Variants in CNTN4 observed in about 807,000 individuals in gnomAD.
CNTN4 encodes contactin-4.
CNTN4 carries 77 observed loss-of-function variants against 122.5 expected under a neutral mutation model. That is an observed-to-expected ratio of 0.63 (90% CI 0.52 to 0.76). The LOEUF is 0.76. Ranked by LOEUF, CNTN4 falls within the 30% of genes least tolerant of loss-of-function variation. CNTN4 has a pLI of 0.00. For missense variants in CNTN4, 1,256 were observed against 1,259.1 expected, an observed-to-expected ratio of 1.00 and a Z score of 0.04; for synonymous variants, 512 against 447.0, an observed-to-expected ratio of 1.15 and a Z score of -1.83.
At chr3:2,650,004 A>T (rs1000544154) in intron 4 of CNTN4, among the ~76,000 whole-genome samples, 1 of 147,866 alleles carries the variant, frequency 6.8e-6, no homozygotes, top group African/African-American at 2.5e-5. Flanking sequence ...GATATTTTAC[A>T]TATAAATATA....
intron 3 of CNTN4, among the ~76,000 whole-genome samples, chr3:2,514,058 A>G (rs4569644): frequency 0.22 from 33,711 of 152,108 alleles, 5,711 homozygotes; most frequent in African/African-American, 0.48. Context: ...TTTAGTTCCT[A>G]GAAAGCCCTG....
At chr3:2,486,142 A>G (rs1015386811) in intron 3 of CNTN4, among the ~76,000 whole-genome samples, 5 of 152,100 alleles carry the variant, frequency 3.3e-5, no homozygotes, top group Admixed American at 3.3e-4. Flanking sequence ...CCCTACCTTA[A>G]GAGCTGTAAC....
intron 16 of CNTN4, among the ~76,000 whole-genome samples, chr3:3,031,864 C>T (rs1228957312): frequency 2.6e-5 from 4 of 152,110 alleles, no homozygotes; most frequent in South Asian, 2.1e-4. Flanking sequence ...GCTGGCAGAG[C>T]GCATGGCAAA....
At chr3:2,578,586 C>T (rs1282766420) in intron 4 of CNTN4, among the ~76,000 whole-genome samples, 1 of 152,210 alleles carries the variant, frequency 6.6e-6, no homozygotes, top group Non-Finnish European at 1.5e-5. Flanking sequence ...CCTAGTACTA[C>T]TCTGTTCTTG....
intron 4 of CNTN4, among the ~76,000 whole-genome samples, chr3:2,625,706 G>A (rs570785107): frequency 4.6e-5 from 7 of 152,048 alleles, no homozygotes; most frequent in Non-Finnish European, 5.9e-5. Flanking sequence ...TTTGTGAATT[G>A]GTATTCTATA....
intron 2 of CNTN4, among the ~76,000 whole-genome samples, chr3:2,222,143 C>G (rs1259779361): frequency 6.6e-6 from 1 of 152,116 alleles, no homozygotes; most frequent in African/African-American, 2.4e-5. Flanking sequence ...AAAGTGGAAT[C>G]AACCCAGATG....
intron 3 of CNTN4, among the ~76,000 whole-genome samples, chr3:2,417,399 A>G (rs1335390674): frequency 1.3e-5 from 2 of 152,232 alleles, no homozygotes; most frequent in African/African-American, 4.8e-5. Flanking sequence ...CCTCAATTCC[A>G]CAATCAAGAT....
At chr3:2,886,931 G>T in intron 9 of CNTN4, 109 bp from the exon 10 acceptor site, 1 of 857,556 alleles carries the variant, frequency 1.2e-6, no homozygotes, top group Non-Finnish European at 1.8e-6. Context: ...AATGAAGTTT[G>T]CAAAACACCC....
intron 4 of CNTN4, among the ~76,000 whole-genome samples, chr3:2,657,584 T>C (rs2083649356): frequency 6.6e-6 from 1 of 152,164 alleles, no homozygotes; most frequent in African/African-American, 2.4e-5. Flanking sequence ...GGAAGTAAAT[T>C]AGTTTTTTCT....
chr3:2,829,648 A>G (rs753395126), intron 7 of CNTN4, among the ~76,000 whole-genome samples: 3 of 152,204 alleles, frequency 2.0e-5, no homozygotes, highest in Non-Finnish European at 2.9e-5. Context: ...TTTTCCTGTC[A>G]ACTCTTTTTA....
intron 3 of CNTN4, among the ~76,000 whole-genome samples, chr3:2,449,425 G>T (rs1183127875): frequency 1.3e-5 from 2 of 152,012 alleles, no homozygotes; most frequent in Admixed American, 1.3e-4. Flanking sequence ...TACCAGCCTG[G>T]CCAACATGGC....
chr3:2,209,939 A>C (rs930887143), intron 2 of CNTN4, among the ~76,000 whole-genome samples: 1 of 152,154 alleles, frequency 6.6e-6, no homozygotes, highest in African/African-American at 2.4e-5. Flanking sequence ...ACTTTCCATA[A>C]GTCCCCGAGA....
intron 10 of CNTN4, among the ~76,000 whole-genome samples, chr3:2,891,370 C>A (rs956330113): frequency 5.3e-5 from 8 of 152,052 alleles, no homozygotes; most frequent in South Asian, 2.1e-4. Context: ...TCACTTGAAC[C>A]CAGGAGGCGG....
intron 3 of CNTN4, among the ~76,000 whole-genome samples, chr3:2,532,772 A>G (rs972956250): frequency 1.3e-5 from 2 of 152,186 alleles, no homozygotes; most frequent in Non-Finnish European, 2.9e-5. Context: ...CTTTCGTGTC[A>G]TACAGTAATA....
chr3:2,254,192 A>C (rs903624791), intron 2 of CNTN4, among the ~76,000 whole-genome samples: 3 of 152,066 alleles, frequency 2.0e-5, no homozygotes, highest in Admixed American at 6.6e-5. Context: ...TTCCAGCTTC[A>C]TCCATGTCCC....
intron 4 of CNTN4, among the ~76,000 whole-genome samples, chr3:2,638,369 C>T (rs2082757442): frequency 6.6e-6 from 1 of 152,160 alleles, no homozygotes; most frequent in Admixed American, 6.5e-5. Flanking sequence ...GTTTCCCTTT[C>T]AGGAAGATGT....
chr3:2,943,628 A>T (rs1223176019), intron 13 of CNTN4, among the ~76,000 whole-genome samples: 1,058 of 60,916 alleles, frequency 0.017, 5 homozygotes, highest in Middle Eastern at 0.073. Context: ...ATATATATAT[A>T]TATTTTTTTT....
At chr3:3,031,084 A>G in intron 16 of CNTN4, 109 bp downstream of exon 16, 1 of 1,414,756 alleles carries the variant, frequency 7.1e-7, no homozygotes, top group Non-Finnish European at 9.9e-7. Context: ...AAAGTCAGGC[A>G]GAAGCTGAAC....
In CNTN4 at chr3:2,681,404, C is replaced by T. The variant is rs566199236; in HGVS notation, c.56-54811C>T. Among the ~76,000 whole-genome samples the T allele has an allele frequency of 1.5e-4, 23 of 152,258 alleles. 1 individual carries two copies. The highest frequency in any genetic ancestry group is 5.3e-4 in the African/African-American group (22 of 41,554). On this transcript the variant is annotated intron_variant, in intron 4 of 24. Transcript: ENST00000418658. ...CACCAGCAGTGCAAGGGCACATGGG[C>T]TCTCAAATACCTGCCATAGCAACAG...
Sources: allele counts gnomAD v4.1 joint callset (sites outside exome capture counted in the v4.1 genomes callset), GRCh38; gene constraint gnomAD v4.1.1; transcripts MANE v1.5; gene names NCBI Gene and HGNC (gene_info 2026-07-23, HGNC 2026-07-21).